NEK10: variants seen among roughly 807,000 people sequenced by gnomAD.
NEK10 encodes the protein serine/threonine-protein kinase Nek10.
NEK10 carries 122 observed loss-of-function variants against 159.8 expected under a neutral mutation model. That is an observed-to-expected ratio of 0.76 (90% confidence interval 0.66 to 0.89). The LOEUF (loss-of-function observed/expected upper bound fraction) is 0.89, where lower values mean the gene tolerates loss of function less well. Among genes scored for constraint, NEK10 ranks in the 40% least tolerant of loss-of-function variants. The pLI, the probability that NEK10 is intolerant of heterozygous loss-of-function variation, is 0.00. For synonymous variants in NEK10, 466 were observed against 457.1 expected, an observed-to-expected ratio of 1.02 and a Z score of -0.25; for missense variants, 1,342 against 1,323.1, an observed-to-expected ratio of 1.01 and a Z score of -0.22.
chr3:27,295,057 C>G (rs1441033518), intron 15 of NEK10, among the ~76,000 whole-genome samples: 1 of 152,150 alleles, frequency 6.6e-6, no homozygotes, highest in Non-Finnish European at 1.5e-5. Context: ...GTTCCCCTTT[C>G]TTACATGTGA....
At chr3:27,154,379 T>C (rs1353534148) in intron 30 of NEK10, among the ~76,000 whole-genome samples, 1 of 152,070 alleles carries the variant, frequency 6.6e-6, no homozygotes, top group Non-Finnish European at 1.5e-5. Context: ...ATTCAAAGAA[T>C]TGGTACCAAT....
At chr3:27,192,596 GAAAAAAA>G (rs35385101) in intron 25 of NEK10, among the ~76,000 whole-genome samples, 1 of 134,820 alleles carries the variant, frequency 7.4e-6, no homozygotes, top group South Asian at 2.4e-4. Context: ...CTGGCAGGTG[GAAAAAAA>G]AAAAAAAAAA....
intron 6 of NEK10, among the ~76,000 whole-genome samples, chr3:27,321,378 C>G (rs1027627174): frequency 1.2e-4 from 19 of 152,106 alleles, no homozygotes; most frequent in African/African-American, 4.3e-4. Context: ...TTGAGAGGCA[C>G]TAAAAACAGA....
intron 23 of NEK10, among the ~76,000 whole-genome samples, chr3:27,234,490 T>A (rs1953683687): frequency 6.6e-6 from 1 of 151,864 alleles, no homozygotes; most frequent in Non-Finnish European, 1.5e-5. Context: ...AATATCCAAA[T>A]CACAAATGAA....
chr3:27,316,230 G>T (rs17239342), intron 6 of NEK10, among the ~76,000 whole-genome samples: 1 of 152,058 alleles, frequency 6.6e-6, no homozygotes, highest in Non-Finnish European at 1.5e-5. Context: ...CTGGAGATGG[G>T]GAGCGTATCA....
chr3:27,200,274 C>T (rs1454808653), intron 25 of NEK10, among the ~76,000 whole-genome samples: 1 of 152,064 alleles, frequency 6.6e-6, no homozygotes, highest in East Asian at 1.9e-4. Flanking sequence ...CACAATAATA[C>T]ATCTATTATA....
intron 26 of NEK10, among the ~76,000 whole-genome samples, chr3:27,189,002 T>C (rs1948874914): frequency 2.0e-5 from 3 of 152,166 alleles, no homozygotes; most frequent in Non-Finnish European, 2.9e-5. Context: ...GATGCCACAA[T>C]ACCCTCTACA....
intron 35 of NEK10, among the ~76,000 whole-genome samples, chr3:27,113,208 T>C (rs1340809316): frequency 6.8e-6 from 1 of 146,050 alleles, no homozygotes; most frequent in Non-Finnish European, 1.5e-5. Context: ...CCAAGGCAGG[T>C]GGATCACCTG....
At chr3:27,295,725 A>G (rs757265938) in intron 14 of NEK10, 35 bp from the exon 15 acceptor site, 1 of 1,529,426 alleles carries the variant, frequency 6.5e-7, no homozygotes, top group African/African-American at 1.4e-5. Context: ...ATGAGTGACA[A>G]CACTGTAGTG....
At chr3:27,156,045 C>A (rs1016508136) in intron 30 of NEK10, among the ~76,000 whole-genome samples, 1 of 152,088 alleles carries the variant, frequency 6.6e-6, no homozygotes, top group Admixed American at 6.5e-5. Context: ...GGAAAGGACA[C>A]CCTTTTCAAC....
At chr3:27,246,782 T>G (rs926977858) in intron 23 of NEK10, among the ~76,000 whole-genome samples, 3 of 152,146 alleles carry the variant, frequency 2.0e-5, no homozygotes, top group Admixed American at 6.6e-5. Flanking sequence ...ACCACAAATT[T>G]TTATTCCCAC....
chr3:27,180,861 C>T (rs1948024889), intron 26 of NEK10, among the ~76,000 whole-genome samples: 1 of 151,998 alleles, frequency 6.6e-6, no homozygotes, highest in South Asian at 2.1e-4. Context: ...ACTCAGCGGC[C>T]ACCTATATCA....
At chr3:27,130,935 CTG>C (rs1410256432) in intron 32 of NEK10, among the ~76,000 whole-genome samples, 1 of 152,148 alleles carries the variant, frequency 6.6e-6, no homozygotes, top group Non-Finnish European at 1.5e-5. Context: ...TTACCTGCAG[CTG>C]TGTCTTTTTC....
At chr3:27,352,960 G>T in intron 1 of NEK10, 41 bp from the exon 2 acceptor site, 2 of 966,200 alleles carry the variant, frequency 2.1e-6, no homozygotes, top group Non-Finnish European at 1.6e-6. Flanking sequence ...GTTGGGTTGC[G>T]TGTGCCAAAA....
chr3:27,315,895 G>A (rs1258928381), intron 6 of NEK10, among the ~76,000 whole-genome samples: 4 of 152,222 alleles, frequency 2.6e-5, no homozygotes, highest in African/African-American at 4.8e-5. Context: ...TGGAAGGATG[G>A]ATGGATTTGC....
intron 1 of NEK10, among the ~76,000 whole-genome samples, chr3:27,356,954 A>G (rs2048362669): frequency 1.3e-5 from 2 of 152,238 alleles, no homozygotes; most frequent in Admixed American, 1.3e-4. Flanking sequence ...AGCATGGCAT[A>G]AGCCCTCAAA....
chr3:27,355,875 C>A lies in NEK10; in HGVS notation c.-37-2956G>T, dbSNP rs542743499. ...GCCATGTTGGCTTTCTAGAGAGAAA[C>A]ATGAACCCACGAACATGCCAAATGC... On this transcript the variant is annotated intron_variant, in intron 1 of 35. Coordinates refer to ENST00000691995, the MANE Select transcript of NEK10 (RefSeq NM_001394966.1). Among the ~76,000 whole-genome samples the A allele has an allele frequency of 2.6e-4, 40 of 152,284 alleles. No homozygotes were observed. The South Asian group carries it at 7.7e-3, about 29-fold the overall frequency.
chr3:27,256,357 C>T lies in NEK10; in HGVS notation c.2029G>A (p.Ala677Thr). ...TTACTGTTTTCTTGTTTTTGCTTTG[C>T]CAGGCCAAAGTCAGCTACAATTCAC... Reference protein sequence around the residue: ...DKVTVTDFGLAKQKQENSKLT... With the variant: ...DKVTVTDFGLTKQKQENSKLT... Residue 677 changes from alanine (A) to threonine (T), a missense_variant, in exon 23 of 36, where the codon GCA (alanine) becomes ACA (threonine). Ala to Thr is a moderately conservative substitution (Grantham distance 58, BLOSUM62 0). Transcript: ENST00000691995. 1 of 1,574,290 alleles carries T rather than the reference C, an allele frequency of 6.4e-7. No homozygotes were observed. Among genetic ancestry groups the T allele is most frequent in the South Asian group, 1.2e-5 (1 of 84,654 alleles).
intron 23 of NEK10, among the ~76,000 whole-genome samples, chr3:27,236,523 G>A (rs995098322): frequency 1.3e-5 from 2 of 152,118 alleles, no homozygotes; most frequent in Non-Finnish European, 1.5e-5. Flanking sequence ...TTTTCCCTAA[G>A]TGTCGGCCAG....
Sources: allele counts gnomAD v4.1 joint callset (sites outside exome capture counted in the v4.1 genomes callset), GRCh38; gene constraint gnomAD v4.1.1; transcripts MANE v1.5; gene names NCBI Gene and HGNC (gene_info 2026-07-23, HGNC 2026-07-21).